Variants in PIK3C2G observed in about 807,000 individuals in gnomAD.
PIK3C2G encodes phosphatidylinositol-4-phosphate 3-kinase catalytic subunit type 2 gamma, also known as phosphatidylinositol 3-kinase C2 domain-containing subunit gamma.
Under a neutral mutation model 181.1 loss-of-function variants are expected in PIK3C2G, and 168 were observed. The observed-to-expected ratio is 0.93, with a 90% CI of 0.82 to 1.05. The LOEUF is 1.05. Among genes scored for constraint, PIK3C2G ranks in the 50% least tolerant of loss-of-function variants. The probability of loss-of-function intolerance (pLI) is 0.00; values close to 1 mark genes in which losing one functional copy is unlikely to be tolerated. For synonymous variants in PIK3C2G, 573 were observed against 592.2 expected (o/e 0.97, Z 0.47); for missense variants, 1,869 against 1,732.8 (o/e 1.08, Z -1.40).
chr12:18,459,412 A>G lies in PIK3C2G; in HGVS notation c.2505-29037A>G, dbSNP rs1003621148. On this transcript the variant is annotated intron_variant, in intron 18 of 32. Transcript: ENST00000538779. ...ATAAACTAGCCTATGTTAGGAAGCA[A>G]TTAATTATTTTGGTTGTAAACTTCC... Among the ~76,000 whole-genome samples the G allele has an allele frequency of 5.3e-5, 8 of 152,200 alleles. 1 individual carries two copies. The highest frequency in any genetic ancestry group is 1.9e-4 in the African/African-American group (8 of 41,454).
the PIK3C2G span, among the ~76,000 whole-genome samples, chr12:18,666,829 G>A: frequency 1.3e-5 from 2 of 152,140 alleles, no homozygotes; most frequent in African/African-American, 4.8e-5. Flanking sequence ...AGTCTAAACT[G>A]GTTATGTGGT....
At chr12:18,512,925 T>A (rs1395831133) in intron 24 of PIK3C2G, among the ~76,000 whole-genome samples, 1 of 151,936 alleles carries the variant, frequency 6.6e-6, no homozygotes, top group Non-Finnish European at 1.5e-5. Context: ...AAATTAGCTA[T>A]GAGTTTGTCA....
chr12:18,291,103 T>A (rs1461028992), intron 4 of PIK3C2G, 91 bp downstream of exon 4: 5 of 673,944 alleles, frequency 7.4e-6, no homozygotes, highest in Non-Finnish European at 1.2e-5. Flanking sequence ...TATTAAAAAA[T>A]AATATTAGCT....
At chr12:18,664,178 C>A in the PIK3C2G span, among the ~76,000 whole-genome samples, 1 of 152,098 alleles carries the variant, frequency 6.6e-6, no homozygotes, top group African/African-American at 2.4e-5. Flanking sequence ...TTGGTAGGAA[C>A]GTAAAATGGT....
chr12:18,388,936 G>T (rs1040049754), intron 14 of PIK3C2G, among the ~76,000 whole-genome samples: 1 of 152,126 alleles, frequency 6.6e-6, no homozygotes, highest in South Asian at 2.1e-4. Flanking sequence ...TGTTGCTGTT[G>T]TTGTTGTTGC....
chr12:18,490,745 T>G (rs760005988), intron 19 of PIK3C2G, among the ~76,000 whole-genome samples: 3 of 152,200 alleles, frequency 2.0e-5, no homozygotes, highest in Non-Finnish European at 4.4e-5. Flanking sequence ...TACTCCATCA[T>G]GCATATGTGA....
the PIK3C2G span, chr12:18,696,150 C>A: frequency 1.4e-6 from 2 of 1,429,052 alleles, no homozygotes; most frequent in South Asian, 2.3e-5. Flanking sequence ...TATAACATAC[C>A]CATTTGACAA....
At chr12:18,414,752 A>G (rs745629004) in intron 16 of PIK3C2G, among the ~76,000 whole-genome samples, 2 of 152,204 alleles carry the variant, frequency 1.3e-5, no homozygotes, top group Non-Finnish European at 2.9e-5. Context: ...ATGTTGACCT[A>G]TATTGCCAAC....
intron 12 of PIK3C2G, among the ~76,000 whole-genome samples, chr12:18,368,835 C>T (rs1249066272): frequency 6.6e-6 from 1 of 152,122 alleles, no homozygotes; most frequent in East Asian, 1.9e-4. Flanking sequence ...ATTAAATTAA[C>T]TTCTCCTTAT....
chr12:18,375,988 G>C lies in PIK3C2G; in HGVS notation c.1880+4677G>C, dbSNP rs545280782. 2.0e-5 allele frequency among the ~76,000 whole-genome samples: 3 copies of C among 152,348 alleles called. No individual in the cohort carries two copies. In the East Asian group the frequency reaches 5.8e-4, roughly 29 times the overall value. ...TGTTAACCTCCACCTAGATTTCAGAGAATATTTTGGAAAGCCCGGGTGCCC... is the reference window on the plus strand; with the variant it reads ...TGTTAACCTCCACCTAGATTTCAGACAATATTTTGGAAAGCCCGGGTGCCC... On this transcript the variant is annotated intron_variant, in intron 13 of 32. Transcript: ENST00000538779.
chr12:18,280,735 A>T (rs1949177637), intron 1 of PIK3C2G, among the ~76,000 whole-genome samples: 1 of 152,064 alleles, frequency 6.6e-6, no homozygotes, highest in Non-Finnish European at 1.5e-5. Context: ...AAACATACAT[A>T]ATTGGATTAC....
chr12:18,508,835 T>C (rs1942023103), intron 24 of PIK3C2G, among the ~76,000 whole-genome samples: 1 of 152,112 alleles, frequency 6.6e-6, no homozygotes, highest in African/African-American at 2.4e-5. Flanking sequence ...TGTCTCATAG[T>C]CTGACAAGAT....
At chr12:18,657,667 C>A in the PIK3C2G span, among the ~76,000 whole-genome samples, 2 of 152,108 alleles carry the variant, frequency 1.3e-5, no homozygotes, top group Non-Finnish European at 2.9e-5. Context: ...AGGCACTAAA[C>A]AAACAACTAC....
chr12:18,377,503 C>T (rs975575695), intron 13 of PIK3C2G, among the ~76,000 whole-genome samples: 2 of 152,170 alleles, frequency 1.3e-5, no homozygotes, highest in Admixed American at 1.3e-4. Flanking sequence ...CCCAGCCTAA[C>T]TGACATCTTC....
At chr12:18,321,126 A>G (rs1951090817) in intron 7 of PIK3C2G, 94 bp downstream of exon 7, 1 of 691,772 alleles carries the variant, frequency 1.4e-6, no homozygotes, top group Non-Finnish European at 2.5e-6. Flanking sequence ...AAAACTGTCC[A>G]TTCACTGGGA....
At position 18,621,822 on chromosome 12, in the gene PIK3C2G, G is replaced by A. The variant is rs145379884; in HGVS notation, c.4182+12193G>A. ...CTGATGTGAAATGAAGTACGAGACC[G>A]TGCTAATTTAATTCATAAAGACCTG... On this transcript the variant is annotated intron_variant, in intron 31 of 32. Transcript: ENST00000538779. Among the ~76,000 whole-genome samples the A allele has an allele frequency of 7.3e-3, 1,101 of 151,730 alleles. 7 individuals are homozygous for A. The highest frequency in any genetic ancestry group is 0.01 in the African/African-American group (419 of 41,450).
intron 14 of PIK3C2G, among the ~76,000 whole-genome samples, chr12:18,385,651 C>T (rs1055615302): frequency 3.3e-5 from 5 of 152,070 alleles, no homozygotes; most frequent in African/African-American, 1.2e-4. Context: ...TCACTGCAAC[C>T]TCCTCCTCCC....
the PIK3C2G span, among the ~76,000 whole-genome samples, chr12:18,660,759 C>A: frequency 1.3e-5 from 2 of 152,016 alleles, no homozygotes; most frequent in African/African-American, 2.4e-5. Context: ...AACAAAAAAA[C>A]CACAAGGCAT....
chr12:18,632,180 C>A (rs956932777), intron 31 of PIK3C2G, among the ~76,000 whole-genome samples: 1 of 152,082 alleles, frequency 6.6e-6, no homozygotes, highest in Non-Finnish European at 1.5e-5. Flanking sequence ...GACTAAGAAA[C>A]CCTGCTCTAC....
Sources: allele counts gnomAD v4.1 joint callset (sites outside exome capture counted in the v4.1 genomes callset), GRCh38; gene constraint gnomAD v4.1.1; transcripts MANE v1.5; gene names NCBI Gene and HGNC (gene_info 2026-07-23, HGNC 2026-07-21).